Variants in ATP13A3 observed in about 807,000 individuals in gnomAD.
ATP13A3 encodes the protein ATPase 13A3.
In ATP13A3, 59 loss-of-function variants were observed where a neutral mutation model predicts 158.1. The ratio of observed to expected loss-of-function variants is 0.37; its 90% CI spans 0.30 to 0.46. The LOEUF is 0.46. Ranked by LOEUF, ATP13A3 falls within the 20% of genes least tolerant of loss-of-function variation. ATP13A3 has a pLI of 1.00. For synonymous variants in ATP13A3, 491 were observed against 504.3 expected (o/e 0.97, Z 0.35); for missense variants, 1,166 against 1,525.2 (o/e 0.76, Z 3.92).
At chr3:194,410,803 G>C (rs535749772) in intron 33 of ATP13A3, among the ~76,000 whole-genome samples, 2 of 151,676 alleles carry the variant, frequency 1.3e-5, no homozygotes, top group African/African-American at 4.8e-5. Context: ...ATGAAAAATC[G>C]GAATGTTTTC....
At chr3:194,454,183 T>C (rs1262790795) in intron 9 of ATP13A3, 75 bp downstream of exon 9, 3 of 1,357,086 alleles carry the variant, frequency 2.2e-6, no homozygotes, top group East Asian at 2.3e-5. Flanking sequence ...TTGTGCTGAG[T>C]ACTATTCTAC....
At chr3:194,425,784 G>GT (rs998270465) in intron 29 of ATP13A3, among the ~76,000 whole-genome samples, 65 of 152,214 alleles carry the variant, frequency 4.3e-4, no homozygotes, top group Non-Finnish European at 2.4e-4. Flanking sequence ...GCCCCCCTCA[G>GT]TTTTTTTAAT....
chr3:194,439,392 T>C (rs1717884740), intron 16 of ATP13A3, among the ~76,000 whole-genome samples: 1 of 152,240 alleles, frequency 6.6e-6, no homozygotes, highest in Admixed American at 6.5e-5. Flanking sequence ...AGCTCAGATA[T>C]GGTTAGCAGA....
chr3:194,435,528 A>T (rs1249994145), intron 20 of ATP13A3, among the ~76,000 whole-genome samples: 1 of 152,150 alleles, frequency 6.6e-6, no homozygotes, highest in Non-Finnish European at 1.5e-5. Context: ...GAAAGAGAGG[A>T]AAGTTAACAA....
intron 31 of ATP13A3, among the ~76,000 whole-genome samples, chr3:194,415,091 G>A (rs1205524180): frequency 6.6e-6 from 1 of 152,292 alleles, no homozygotes; most frequent in East Asian, 1.9e-4. Flanking sequence ...AAATGAGACT[G>A]GAGAGTCAGA....
intron 2 of ATP13A3, among the ~76,000 whole-genome samples, chr3:194,475,185 C>A (rs1292462929): frequency 6.6e-6 from 1 of 152,102 alleles, no homozygotes; most frequent in African/African-American, 2.4e-5. Flanking sequence ...ACATATAAAC[C>A]TCAGAAATGT....
In ATP13A3 at chr3:194,412,301, C is replaced by T. The variant is rs1715497779; in HGVS notation, c.3484-13G>A. On this transcript the variant is annotated splice_polypyrimidine_tract_variant and intron_variant, in intron 32 of 33. Coordinates refer to ENST00000645319, the MANE Select transcript of ATP13A3 (RefSeq NM_001367549.1). ...CAAGGAAGAAGTTCTGAGAGATATT[C>T]CAGTGAGTTAAGAATTAATAATGAC... The T allele has an allele frequency of 6.5e-7, 1 of 1,528,270 alleles. No homozygotes were observed. Among genetic ancestry groups the T allele is most frequent in the Non-Finnish European group, 8.8e-7 (1 of 1,139,944 alleles). The allele number at this position is 1,528,270 out of a possible 1,614,324, so 94.7% of individuals were successfully genotyped here. A position where few individuals can be genotyped will look rare whatever the true frequency, so the allele number is the denominator to read the frequency against.
upstream of ATP13A3, among the ~76,000 whole-genome samples, chr3:194,490,179 A>G (rs1721129765): frequency 6.6e-6 from 1 of 152,098 alleles, no homozygotes; most frequent in Non-Finnish European, 1.5e-5. This position sits in a 1 kb window ranked among gnomAD's most constrained non-coding sequence, Gnocchi z 4.4. Flanking sequence ...AACATACACC[A>G]TCAAGAGGAA....
chr3:194,417,947 A>AGACG (rs201535107), intron 31 of ATP13A3, among the ~76,000 whole-genome samples: 4 of 121,786 alleles, frequency 3.3e-5, no homozygotes, highest in East Asian at 2.9e-4. Flanking sequence ...GGTGACAGAC[A>AGACG]GACGGACGGA....
At chr3:194,421,185 GCTGAAACTTACACTAACA>G (rs1716339304) in intron 30 of ATP13A3, among the ~76,000 whole-genome samples, 2 of 9,896 alleles carry the variant, frequency 2.0e-4, no homozygotes. Flanking sequence ...AGTAGCTTAG[GCTGAAACTTACACTAACA>G]CTTATACCAA....
Position 194,447,908 on chromosome 3 carries a change from C to T in ATP13A3, c.1252G>A (p.Val418Met). The T allele has an allele frequency of 1.2e-6, 2 of 1,611,670 alleles. No individual in the cohort carries two copies. Among genetic ancestry groups the T allele is most frequent in the Non-Finnish European group, 1.7e-6 (2 of 1,178,240 alleles). Residue 418 changes from valine (V) to methionine (M), a missense_variant, in exon 13 of 34, where the codon GTG (valine) becomes ATG (methionine). By Grantham distance (21) the Val-to-Met change is conservative. Transcript: ENST00000645319. ...ATAAACCCAATGCCAGCAACTGCCA[C>T]AAGACATAGTAGAAACAAGTAGGCA... ...RDAYLFLLCL[V>M]AVAGIGFIYT...
intron 10 of ATP13A3, chr3:194,452,957 T>C (rs1718915970): frequency 6.6e-6 from 1 of 152,144 alleles, no homozygotes; most frequent in Non-Finnish European, 1.5e-5. Flanking sequence ...TACAATTTTA[T>C]ATAAATAAAT....
intron 2 of ATP13A3, among the ~76,000 whole-genome samples, chr3:194,481,422 TAC>T (rs1344589185): frequency 1.3e-5 from 2 of 152,106 alleles, no homozygotes; most frequent in Non-Finnish European, 2.9e-5. Context: ...GTGCCATTAC[TAC>T]AGAGTACAAA....
At chr3:194,476,363 T>C (rs1720522796) in intron 2 of ATP13A3, among the ~76,000 whole-genome samples, 1 of 152,198 alleles carries the variant, frequency 6.6e-6, no homozygotes, top group African/African-American at 2.4e-5. Context: ...CAGATTCAAC[T>C]ACATGTTTGC....
intron 2 of ATP13A3, among the ~76,000 whole-genome samples, chr3:194,469,560 A>C (rs926307657): frequency 6.6e-6 from 1 of 152,222 alleles, no homozygotes; most frequent in African/African-American, 2.4e-5. Context: ...ATAATTCTGG[A>C]GTTTTAAAAA....
chr3:194,438,151 C>A (rs1285528658), intron 17 of ATP13A3, among the ~76,000 whole-genome samples: 1 of 152,018 alleles, frequency 6.6e-6, no homozygotes, highest in Non-Finnish European at 1.5e-5. Context: ...CAGAGCGAGA[C>A]TCCAGCTCAA....
intron 30 of ATP13A3, among the ~76,000 whole-genome samples, chr3:194,422,296 T>A (rs1406153234): frequency 6.6e-6 from 1 of 152,216 alleles, no homozygotes; most frequent in Admixed American, 6.5e-5. Context: ...TAGACTATGC[T>A]CTCAGCTCCT....
intron 11 of ATP13A3, among the ~76,000 whole-genome samples, chr3:194,449,347 G>A (rs891983636): frequency 6.6e-5 from 10 of 151,434 alleles, no homozygotes; most frequent in Non-Finnish European, 1.5e-4. Context: ...TTTCTAGCCA[G>A]ATCAACTAGG....
At chr3:194,439,370 A>T (rs1313341713) in intron 16 of ATP13A3, among the ~76,000 whole-genome samples, 2 of 152,264 alleles carry the variant, frequency 1.3e-5, no homozygotes, top group African/African-American at 4.8e-5. Flanking sequence ...GAAAGGATTC[A>T]AAAGTACATA....
Sources: allele counts gnomAD v4.1 joint callset (sites outside exome capture counted in the v4.1 genomes callset), GRCh38; gene constraint gnomAD v4.1.1; non-coding constraint Gnocchi (gnomAD v3.1); transcripts MANE v1.5; gene names NCBI Gene and HGNC (gene_info 2026-07-23, HGNC 2026-07-21).